Variants in LIMK2 observed in about 807,000 individuals in gnomAD.
LIMK2 encodes LIM domain kinase 2.
Under a neutral mutation model 75.7 loss-of-function variants are expected in LIMK2, and 35 were observed. The ratio of observed to expected loss-of-function variants is 0.46; its 90% CI spans 0.35 to 0.61. The LOEUF is 0.61. Ranked by LOEUF, LIMK2 falls within the 20% of genes least tolerant of loss-of-function variation. The pLI is 0.00. For synonymous variants in LIMK2, 301 were observed against 319.2 expected (o/e 0.94, Z 0.61); for missense variants, 623 against 831.0 (o/e 0.75, Z 3.08).
At position 31,267,873 on chromosome 22, in the gene LIMK2, AG is replaced by A; in HGVS notation, c.1232del (p.Gly411AlafsTer3). 2.5e-6 allele frequency: 4 copies of A among 1,610,362 alleles called. No individual in the cohort carries two copies. The highest frequency in any genetic ancestry group is 1.7e-5 in the Admixed American group (1 of 59,388). ...KKLNLLTEYI[E>X]GGTLKDFLRS... is the part of the protein sequence containing the mutation. ...CTGAACCTCCTGACAGAGTACATTG[AG>A]GGGGGCACACTGAAGGACTTTCTGC... On this transcript the variant is annotated frameshift_variant, in exon 10 of 16. Coordinates refer to ENST00000331728, the MANE Select transcript of LIMK2 (RefSeq NM_005569.4). LOFTEE classifies it high-confidence loss of function.
At chr22:31,231,673 C>T (rs1254175609) in intron 2 of LIMK2, among the ~76,000 whole-genome samples, 2 of 152,082 alleles carry the variant, frequency 1.3e-5, no homozygotes, top group Non-Finnish European at 2.9e-5. Flanking sequence ...GAACTAAGGA[C>T]CCACAGATGT....
intron 1 of LIMK2, among the ~76,000 whole-genome samples, chr22:31,212,660 G>A (rs573996771): frequency 6.6e-6 from 1 of 152,220 alleles, no homozygotes; most frequent in Non-Finnish European, 1.5e-5. Flanking sequence ...CGAGGGGCAG[G>A]CGGGTTGGGA....
chr22:31,248,853 A>C (rs1199709003), intron 2 of LIMK2: 1 of 1,422,194 alleles, frequency 7.0e-7, no homozygotes, highest in East Asian at 2.3e-5. Context: ...TCTCCTTCTC[A>C]CTTAGTCCTT....
intron 2 of LIMK2, among the ~76,000 whole-genome samples, chr22:31,236,304 A>AC (rs1157445209): frequency 1.3e-5 from 2 of 150,594 alleles, no homozygotes; most frequent in African/African-American, 2.5e-5. Context: ...AAAAAAAAAA[A>AC]AAAAAAACAA....
chr22:31,259,135 C>T lies in LIMK2; in HGVS notation c.267C>T (p.Phe89=), dbSNP rs1379221901. Residue 89 remains phenylalanine (F), a synonymous_variant, in exon 4 of 16, where the codon TTC becomes TTT. Transcript: ENST00000331728. ...MTGPFMVAGE[F]KYHPECFACM... is the part of the protein sequence containing the mutation. ...CCTGCTCACAGGTGGCTGGGGAGTT[C>T]AAGTACCACCCAGAGTGCTTTGCCT... The T allele has an allele frequency of 2.5e-6, 4 of 1,612,168 alleles. No homozygotes were observed. The Admixed American group carries it at 5.0e-5, about 20-fold the overall frequency.
At position 31,262,969 on chromosome 22, in the gene LIMK2, G is replaced by A. The variant is rs1038467583; in HGVS notation, c.854+178G>A. Among the ~76,000 whole-genome samples the A allele has an allele frequency of 6.6e-6, 1 of 152,154 alleles. No homozygotes were observed. The highest frequency in any genetic ancestry group is 1.9e-4 in the East Asian group (1 of 5,180). ...CACAGTTTACAGCCAGAGCCTGTGCGGACCCAGCTGTCTGCCAGGTTTCCT... is the reference window on the plus strand; with the variant it reads ...CACAGTTTACAGCCAGAGCCTGTGCAGACCCAGCTGTCTGCCAGGTTTCCT... On this transcript the variant is annotated intron_variant, in intron 7 of 15. Transcript: ENST00000331728. The surrounding 1 kb of genome is among the most constrained non-coding windows in gnomAD (Gnocchi z 5.0).
intron 1 of LIMK2, among the ~76,000 whole-genome samples, chr22:31,218,614 A>G (rs1174725280): frequency 6.6e-6 from 1 of 152,202 alleles, no homozygotes; most frequent in Non-Finnish European, 1.5e-5. Flanking sequence ...CAGGGAGAGT[A>G]TCTAGAGGCA....
At chr22:31,246,776 A>C (rs533804937) in intron 2 of LIMK2, among the ~76,000 whole-genome samples, 64 of 147,302 alleles carry the variant, frequency 4.3e-4, no homozygotes, top group Admixed American at 1.9e-3. Context: ...AAAAAACAAA[A>C]AAAAAAAACA....
intron 2 of LIMK2, among the ~76,000 whole-genome samples, chr22:31,231,621 G>A (rs1017712244): frequency 6.6e-6 from 1 of 152,176 alleles, no homozygotes; most frequent in African/African-American, 2.4e-5. Context: ...CAGCATATGA[G>A]CTTGAATGTG....
chr22:31,254,483 T>C (rs192732015), intron 2 of LIMK2, among the ~76,000 whole-genome samples: 59 of 152,330 alleles, frequency 3.9e-4, no homozygotes, highest in African/African-American at 1.2e-3. Flanking sequence ...CTTTGCTTGG[T>C]GCTGAGTCTA....
At chr22:31,235,431 G>A (rs1488130660) in intron 2 of LIMK2, among the ~76,000 whole-genome samples, 2 of 152,192 alleles carry the variant, frequency 1.3e-5, no homozygotes, top group Non-Finnish European at 2.9e-5. Context: ...ATCCCATAGT[G>A]AGTAGAAGCC....
intron 2 of LIMK2, among the ~76,000 whole-genome samples, chr22:31,229,031 C>A (rs1327633461): frequency 2.0e-5 from 3 of 152,016 alleles, no homozygotes; most frequent in South Asian, 2.1e-4. Context: ...TCTATATACA[C>A]CTATATGTAT....
chr22:31,269,752 T>G (rs1601442053), intron 11 of LIMK2, among the ~76,000 whole-genome samples: 1 of 146,398 alleles, frequency 6.8e-6, no homozygotes, highest in African/African-American at 2.6e-5. Context: ...CCAGCCTGGG[T>G]GACAGAGTGA....
At chr22:31,264,517 C>T (rs940871288) in intron 7 of LIMK2, among the ~76,000 whole-genome samples, 5 of 152,218 alleles carry the variant, frequency 3.3e-5, no homozygotes, top group Non-Finnish European at 5.9e-5. Flanking sequence ...TTATCGACCG[C>T]TTTTGAAAAT....
chr22:31,259,748 G>C (rs1461727727), intron 4 of LIMK2, 141 bp from the exon 5 acceptor site: 2 of 692,228 alleles, frequency 2.9e-6, no homozygotes, highest in Non-Finnish European at 4.4e-6. Context: ...TCCTCATTCT[G>C]AGCAGCCAGC....
intron 2 of LIMK2, among the ~76,000 whole-genome samples, chr22:31,245,685 C>T (rs1262566908): frequency 1.3e-5 from 2 of 152,082 alleles, no homozygotes; most frequent in African/African-American, 2.4e-5. Flanking sequence ...AGCAGTCCTC[C>T]CTCCTTGGCC....
At position 31,246,187 on chromosome 22, in the gene LIMK2, A is replaced by G. The variant is rs555964285; in HGVS notation, c.117-12104A>G. Among the ~76,000 whole-genome samples, 837 of 129,410 alleles carry G rather than the reference A, an allele frequency of 6.5e-3. 8 individuals carry two copies. The highest frequency in any genetic ancestry group is 0.013 in the South Asian group (51 of 4,074). 84.9% of individuals were successfully genotyped at this position (129,410 alleles called of 152,430 possible). On this transcript the variant is annotated intron_variant, in intron 2 of 15. Transcript: ENST00000331728. ...GACTCCGACACACGCACGCACGCAC[A>G]CACACACACACACACACACACACAC... is the stretch of plus-strand genomic sequence containing the variant.
Position 31,276,818 on chromosome 22 carries a change from C to T in LIMK2, c.1773-1479C>T, listed in dbSNP as rs1260525367. The T allele has an allele frequency of 6.2e-7, 1 of 1,611,386 alleles. No individual in the cohort carries two copies. The highest frequency in any genetic ancestry group is 8.5e-7 in the Non-Finnish European group (1 of 1,179,660). ...CCCCCCGGGGCCGCAGGAGAGGGCC[C>T]GGGCTGCGCGGATGATGAGGGCCCA... On this transcript the variant is annotated intron_variant, in intron 15 of 15. Transcript: ENST00000331728.
intron 5 of LIMK2, among the ~76,000 whole-genome samples, chr22:31,261,545 C>CAA (rs574806431): frequency 3.2e-5 from 4 of 126,398 alleles, no homozygotes; most frequent in South Asian, 5.2e-4. Context: ...GACTCCATCT[C>CAA]AAAAAAAAAA....
Sources: allele counts gnomAD v4.1 joint callset (sites outside exome capture counted in the v4.1 genomes callset), GRCh38; gene constraint gnomAD v4.1.1; non-coding constraint Gnocchi (gnomAD v3.1); transcripts MANE v1.5; gene names NCBI Gene and HGNC (gene_info 2026-07-23, HGNC 2026-07-21).